BRD7: variants seen among roughly 807,000 people sequenced by gnomAD.
BRD7 encodes bromodomain containing 7.
A neutral mutation model predicts 82.1 loss-of-function variants in BRD7; 15 were observed. That is an observed-to-expected ratio of 0.18 (90% CI 0.12 to 0.28). The LOEUF (loss-of-function observed/expected upper bound fraction) is 0.28. Among genes scored for constraint, BRD7 ranks in the 10% least tolerant of loss-of-function variants. BRD7 has a pLI of 1.00. For synonymous variants in BRD7, 232 were observed against 266.9 expected (o/e 0.87, Z 1.27); for missense variants, 638 against 779.9 (o/e 0.82, Z 2.17).
At chr16:50,335,014 A>C in intron 6 of BRD7, 119 bp from the exon 7 acceptor site, 1 of 976,528 alleles carries the variant, frequency 1.0e-6, no homozygotes. Flanking sequence ...AAAAACAATT[A>C]AATGTAATCA....
rs1020624668 is a variant in BRD7 at position 50,317,476 on chromosome 16, G to C, written c.*1735C>G. 1.3e-5 allele frequency: 2 copies of C among 152,322 alleles called. No individual in the cohort carries two copies. Among genetic ancestry groups the C allele is most frequent in the African/African-American group, 4.8e-5 (2 of 41,420 alleles). The allele number at this position is 152,322 out of a possible 1,614,324, so 9.4% of individuals were successfully genotyped here. ...AGTGCACTGGGCCTCTCTGAGGTCA[G>C]CATATTTGTACTCTTGGAATATTTG... is the stretch of plus-strand genomic sequence containing the variant. On this transcript the variant is annotated 3_prime_UTR_variant, in exon 17 of 17. Transcript: ENST00000394688.
chr16:50,320,237 G>T lies in BRD7; in HGVS notation c.1756+11C>A. 6.2e-7 allele frequency: 1 copy of T among 1,608,506 alleles called. No homozygotes were observed. Among genetic ancestry groups the T allele is most frequent in the Non-Finnish European group, 8.5e-7 (1 of 1,177,506 alleles). ...TCCCGTGACTCTCCTCTTATGGGAG[G>T]CAAAACATACCAAGATGCATTTCTC... On this transcript the variant is annotated intron_variant, in intron 15 of 16. Transcript: ENST00000394688.
At position 50,318,177 on chromosome 16, in the gene BRD7, T is replaced by TAGAG. The variant is rs2036902820; in HGVS notation, c.*1030_*1033dup. Reference sequence around the variant, plus strand: ...ATTTTCGTGGTCCTCATGAACTCACTAGAGATTAAAAGTAGACTCAAACAA... The same window carrying TAGAG: ...ATTTTCGTGGTCCTCATGAACTCACTAGAGAGAGATTAAAAGTAGACTCAAACAA... On this transcript the variant is annotated 3_prime_UTR_variant, in exon 17 of 17. Coordinates refer to ENST00000394688, the MANE Select transcript of BRD7 (RefSeq NM_013263.5). 6.6e-6 allele frequency: 1 copy of TAGAG among 152,396 alleles called. No homozygotes were observed. The highest frequency in any genetic ancestry group is 2.4e-5 in the African/African-American group (1 of 41,580). The allele number at this position is 152,396 out of a possible 1,614,324, so 9.4% of individuals were successfully genotyped here.
chr16:50,367,188 G>A (rs1374927013), intron 2 of BRD7, among the ~76,000 whole-genome samples: 1 of 152,128 alleles, frequency 6.6e-6, no homozygotes, highest in African/African-American at 2.4e-5. Context: ...GTCGTTCAGT[G>A]GCAGGTTAAA....
intron 5 of BRD7, among the ~76,000 whole-genome samples, chr16:50,346,302 C>A (rs1238345352): frequency 6.6e-6 from 1 of 151,830 alleles, no homozygotes; most frequent in African/African-American, 2.4e-5. Context: ...CACTAAATGC[C>A]CACAAGAGAA....
At chr16:50,332,568 G>A (rs528450622) in intron 8 of BRD7, among the ~76,000 whole-genome samples, 46 of 152,286 alleles carry the variant, frequency 3.0e-4, no homozygotes, top group African/African-American at 8.2e-4. Flanking sequence ...AGCTCCTGTG[G>A]AAAGCAGTTT....
chr16:50,322,874 C>T (rs1456489781), intron 12 of BRD7, among the ~76,000 whole-genome samples: 4 of 152,176 alleles, frequency 2.6e-5, no homozygotes, highest in African/African-American at 9.7e-5. Context: ...CAGCAGTCAT[C>T]GTTGGGCCTG....
chr16:50,359,118 T>C (rs943206966), intron 2 of BRD7, among the ~76,000 whole-genome samples: 3 of 152,352 alleles, frequency 2.0e-5, no homozygotes, highest in African/African-American at 4.8e-5. Context: ...GTTAACACAG[T>C]TCTGGTTAAC....
chr16:50,320,449 T>C, intron 14 of BRD7, 58 bp from the exon 15 acceptor site: 2 of 1,584,268 alleles, frequency 1.3e-6, no homozygotes, highest in Non-Finnish European at 1.7e-6. Context: ...AACCGAATCC[T>C]AGGCTCTAGG....
intron 11 of BRD7, 90 bp from the exon 12 acceptor site, chr16:50,323,788 C>T (rs1317226527): frequency 2.2e-5 from 19 of 860,060 alleles, no homozygotes; most frequent in Middle Eastern, 2.2e-4. Context: ...TAGATGTCCT[C>T]GGTTATACAT....
chr16:50,354,618 T>C, intron 3 of BRD7, 136 bp from the exon 4 acceptor site: 1 of 1,203,268 alleles, frequency 8.3e-7, no homozygotes, highest in African/African-American at 1.5e-5. Flanking sequence ...ATATTGAAGT[T>C]TGAGAGTATT....
chr16:50,336,557 G>A (rs1163707704), intron 6 of BRD7, among the ~76,000 whole-genome samples: 3 of 151,974 alleles, frequency 2.0e-5, no homozygotes, highest in South Asian at 2.1e-4. Flanking sequence ...GTGAGACTCC[G>A]TCTCAAAAAA....
At chr16:50,345,364 C>A (rs543082752) in intron 5 of BRD7, among the ~76,000 whole-genome samples, 3 of 151,700 alleles carry the variant, frequency 2.0e-5, no homozygotes, top group Non-Finnish European at 2.9e-5. Context: ...CATCAACTAA[C>A]GAGCAAAATA....
intron 2 of BRD7, among the ~76,000 whole-genome samples, chr16:50,364,285 C>T (rs562085182): frequency 6.6e-6 from 1 of 152,252 alleles, no homozygotes; most frequent in African/African-American, 2.4e-5. Context: ...GCCCTTCTTT[C>T]TCCCAAGAAG....
At chr16:50,334,635 G>C (rs919139277) in intron 7 of BRD7, 76 bp downstream of exon 7, 4 of 1,528,432 alleles carry the variant, frequency 2.6e-6, no homozygotes, top group Non-Finnish European at 3.5e-6. Context: ...TCCCAAGTCA[G>C]GCCCCGAATA....
intron 1 of BRD7, 110 bp from the exon 2 acceptor site, chr16:50,368,408 G>A (rs573446862): frequency 2.5e-6 from 3 of 1,206,450 alleles, no homozygotes; most frequent in East Asian, 2.5e-5. Flanking sequence ...AGGCGGCTTT[G>A]GGCGCTCCGC....
chr16:50,339,869 C>G, intron 6 of BRD7, 107 bp downstream of exon 6: 1 of 490,810 alleles, frequency 2.0e-6, no homozygotes, highest in Non-Finnish European at 3.5e-6. Context: ...ATAATATAAC[C>G]TGCTAATAAA....
intron 12 of BRD7, among the ~76,000 whole-genome samples, chr16:50,322,458 G>C (rs78016053): frequency 0.016 from 2,404 of 152,300 alleles, 55 homozygotes; most frequent in African/African-American, 0.054. Flanking sequence ...CAGAGAATGT[G>C]AAAGCTTCCC....
At position 50,334,908 on chromosome 16, in the gene BRD7, G is replaced by A. The variant is rs745426803; in HGVS notation, c.703-13C>T. On this transcript the variant is annotated splice_polypyrimidine_tract_variant and intron_variant, in intron 6 of 16. Transcript: ENST00000394688. ...TCTGAATTCTTTCCTAAACATATTC[G>A]AAAATATTCTTATTATATGTTTGTC... 2.4e-5 allele frequency: 39 copies of A among 1,603,642 alleles called. No individual in the cohort carries two copies. The highest frequency in any genetic ancestry group is 3.5e-5 in the Admixed American group (2 of 57,686).
Sources: gnomAD v4.1 joint callset for allele counts (sites outside exome capture counted in the v4.1 genomes callset) on GRCh38, gnomAD v4.1.1 for gene constraint, MANE v1.5 for transcripts, NCBI Gene and HGNC (gene_info 2026-07-23, HGNC 2026-07-21) for gene names.